ZNF280D: variants seen among roughly 807,000 people sequenced by gnomAD.
The protein encoded by ZNF280D is zinc finger protein 280D.
Under a neutral mutation model 94.7 loss-of-function variants are expected in ZNF280D, and 39 were observed. The observed-to-expected ratio is 0.41, with a 90% CI of 0.32 to 0.54. The LOEUF (loss-of-function observed/expected upper bound fraction) is 0.54. Ranked by LOEUF, ZNF280D falls within the 20% of genes least tolerant of loss-of-function variation. ZNF280D has a pLI of 0.22. For synonymous variants in ZNF280D, 398 were observed against 377.6 expected (o/e 1.05, Z -0.63); for missense variants, 1,090 against 1,149.3 (o/e 0.95, Z 0.75).
chr15:56,673,282 A>G (rs1015943499), intron 13 of ZNF280D, among the ~76,000 whole-genome samples: 12 of 152,098 alleles, frequency 7.9e-5, no homozygotes, highest in African/African-American at 2.9e-4. Flanking sequence ...TCCTACAAAA[A>G]AAAATCTGTT....
chr15:56,688,822 A>G, intron 9 of ZNF280D: 1 of 286,588 alleles, frequency 3.5e-6, no homozygotes, highest in Non-Finnish European at 6.4e-6. Context: ...ATTAAAATAC[A>G]ATAAGCATAC....
At chr15:56,677,936 G>A (rs1222527820) in intron 11 of ZNF280D, among the ~76,000 whole-genome samples, 1 of 151,376 alleles carries the variant, frequency 6.6e-6, no homozygotes, top group African/African-American at 2.4e-5. Context: ...CTAAAATCTT[G>A]TAGCTATATT....
chr15:56,654,888 G>C (rs1029279098), intron 17 of ZNF280D: 4 of 453,782 alleles, frequency 8.8e-6, no homozygotes, highest in African/African-American at 6.0e-5. Flanking sequence ...ATTTACTGGA[G>C]CTATTTTTAT....
intron 6 of ZNF280D, among the ~76,000 whole-genome samples, chr15:56,695,074 G>T (rs552479321): frequency 9.9e-5 from 15 of 152,058 alleles, no homozygotes; most frequent in African/African-American, 2.6e-4. Context: ...CTTTGTGTGT[G>T]TGTGTGTGTG....
intron 19 of ZNF280D, chr15:56,652,621 T>G (rs2053272965): frequency 1.0e-6 from 1 of 984,476 alleles, no homozygotes; most frequent in South Asian, 4.7e-5. Flanking sequence ...GGTCACCATA[T>G]GTATGTTTTT....
chr15:56,658,505 T>G lies in ZNF280D; in HGVS notation c.1995-19A>C. On this transcript the variant is annotated intron_variant, in intron 16 of 21. Transcript: ENST00000267807. ...ATGAAAGCTGGAGAAACAAAAGAGA[T>G]AGTAAAAATTTTATTATACAATAAG... 2.0e-6 allele frequency: 3 copies of G among 1,527,862 alleles called. No homozygotes were observed. Among genetic ancestry groups the G allele is most frequent in the South Asian group, 1.3e-5 (1 of 75,992 alleles). The allele number at this position is 1,527,862 out of a possible 1,614,324, so 94.6% of individuals were successfully genotyped here.
chr15:56,647,959 C>T (rs2052991976), intron 19 of ZNF280D, among the ~76,000 whole-genome samples: 1 of 152,300 alleles, frequency 6.6e-6, no homozygotes, highest in African/African-American at 2.4e-5. Context: ...GTGTATTAGA[C>T]TTGGGTCCTA....
rs371042208 is a variant in ZNF280D at position 56,678,720 on chromosome 15, G to A, written c.1106C>T (p.Thr369Ile). 6.2e-7 allele frequency: 1 copy of A among 1,613,192 alleles called. No individual in the cohort carries two copies. Among genetic ancestry groups the A allele is most frequent in the African/African-American group, 1.3e-5 (1 of 74,912 alleles). ...GATGTGACACTGCAACTGAAATGGT[G>A]TGGGAAACTGACGGTAGCAGTGCTG... ...TCQHCYRQFP[T>I]PFQLQCHIES... The change falls in exon 11 of 22, where the codon ACA (threonine) becomes ATA (isoleucine). Residue 369 changes from threonine to isoleucine, a missense_variant. Around this residue, in one of 3 missense-constraint regions of ZNF280D, gnomAD observed 127 missense variants for 208.6 expected, o/e 0.61. Transcript: ENST00000267807.
chr15:56,644,720 G>C (rs1254951805), intron 19 of ZNF280D, among the ~76,000 whole-genome samples: 2 of 152,028 alleles, frequency 1.3e-5, no homozygotes, highest in Non-Finnish European at 2.9e-5. Context: ...AATGAGCCCC[G>C]TTAAGTATGT....
At chr15:56,710,651 A>G (rs1348970818) in intron 1 of ZNF280D, among the ~76,000 whole-genome samples, 3 of 151,452 alleles carry the variant, frequency 2.0e-5, no homozygotes, top group Non-Finnish European at 4.4e-5. Context: ...ACTGTATCTT[A>G]TTTTTTCTAT....
intron 9 of ZNF280D, among the ~76,000 whole-genome samples, chr15:56,682,760 T>C (rs1399089786): frequency 6.6e-6 from 1 of 152,026 alleles, no homozygotes; most frequent in East Asian, 1.9e-4. Flanking sequence ...CAATTTGCCT[T>C]TTTAGATGTA....
At chr15:56,730,842 A>G (rs549286038) in intron 1 of ZNF280D, among the ~76,000 whole-genome samples, 95 of 152,342 alleles carry the variant, frequency 6.2e-4, no homozygotes, top group African/African-American at 2.3e-3. Context: ...CTGCAGGTAA[A>G]TTCCTACCAA....
intron 20 of ZNF280D, among the ~76,000 whole-genome samples, chr15:56,641,634 C>A (rs770883757): frequency 6.6e-6 from 1 of 151,602 alleles, no homozygotes; most frequent in Non-Finnish European, 1.5e-5. Flanking sequence ...TATTTAAATT[C>A]ACAGAATGCA....
intron 7 of ZNF280D, among the ~76,000 whole-genome samples, chr15:56,690,503 T>C (rs1039287745): frequency 5.3e-5 from 8 of 152,228 alleles, no homozygotes; most frequent in Non-Finnish European, 1.0e-4. Flanking sequence ...AATGGGTTTG[T>C]TTTAGAGAAT....
At chr15:56,707,868 T>C (rs2057510075) in intron 1 of ZNF280D, among the ~76,000 whole-genome samples, 1 of 151,822 alleles carries the variant, frequency 6.6e-6, no homozygotes, top group Non-Finnish European at 1.5e-5. Flanking sequence ...GTAAGTCACA[T>C]TCTTAAGACT....
intron 13 of ZNF280D, among the ~76,000 whole-genome samples, chr15:56,676,391 G>A (rs2055235165): frequency 6.6e-6 from 1 of 151,880 alleles, no homozygotes; most frequent in South Asian, 2.1e-4. Flanking sequence ...TCAATCTTTT[G>A]GATATTCCAC....
At chr15:56,717,467 T>C (rs1196620087) in intron 1 of ZNF280D, among the ~76,000 whole-genome samples, 1 of 152,066 alleles carries the variant, frequency 6.6e-6, no homozygotes, top group Non-Finnish European at 1.5e-5. Flanking sequence ...ACAACAACAG[T>C]AATATTTACT....
At chr15:56,723,027 A>G (rs1449893610) in intron 1 of ZNF280D, among the ~76,000 whole-genome samples, 1 of 141,934 alleles carries the variant, frequency 7.0e-6, no homozygotes, top group African/African-American at 2.6e-5. Context: ...GAAATGAACA[A>G]TGAGATCACA....
chr15:56,655,457 T>C (rs1159956691), intron 17 of ZNF280D, among the ~76,000 whole-genome samples: 1 of 152,102 alleles, frequency 6.6e-6, no homozygotes, highest in Non-Finnish European at 1.5e-5. Flanking sequence ...CAGCCCCACC[T>C]CGGCCTCCCA....
Sources: gnomAD v4.1 joint callset for allele counts (sites outside exome capture counted in the v4.1 genomes callset) on GRCh38, gnomAD v4.1.1 for gene constraint, gnomAD v4.1.1 regional missense constraint, MANE v1.5 for transcripts, NCBI Gene and HGNC (gene_info 2026-07-23, HGNC 2026-07-21) for gene names.